TSPAN18: variants seen among roughly 807,000 people sequenced by gnomAD.
The protein encoded by TSPAN18 is tetraspanin 18.
In TSPAN18, 14 loss-of-function variants were observed where a neutral mutation model predicts 27.3. The ratio of observed to expected loss-of-function variants is 0.51; its 90% CI spans 0.34 to 0.80. TSPAN18 has a LOEUF of 0.80. Ranked by LOEUF, TSPAN18 falls within the 30% of genes least tolerant of loss-of-function variation. The pLI, the probability that TSPAN18 is intolerant of heterozygous loss-of-function variation, is 0.01. For missense variants in TSPAN18, 268 were observed against 323.9 expected, an observed-to-expected ratio of 0.83 and a Z score of 1.32; for synonymous variants, 143 against 136.5, an observed-to-expected ratio of 1.05 and a Z score of -0.33.
chr11:44,878,834 G>A (rs1858410756), intron 3 of TSPAN18, among the ~76,000 whole-genome samples: 1 of 152,226 alleles, frequency 6.6e-6, no homozygotes, highest in African/African-American at 2.4e-5. Flanking sequence ...CTCCAAAAAT[G>A]TGGTGGTAAC....
At chr11:44,850,680 C>T (rs1565176621) in intron 2 of TSPAN18, among the ~76,000 whole-genome samples, 2 of 152,126 alleles carry the variant, frequency 1.3e-5, no homozygotes, top group African/African-American at 4.8e-5. Flanking sequence ...GATGAGAAGG[C>T]AGAGGTTCAG....
chr11:44,840,994 A>G (rs1857360974), intron 2 of TSPAN18, among the ~76,000 whole-genome samples: 1 of 152,148 alleles, frequency 6.6e-6, no homozygotes, highest in Non-Finnish European at 1.5e-5. Flanking sequence ...TGGGACCTCA[A>G]TACTTGAGCA....
intron 2 of TSPAN18, among the ~76,000 whole-genome samples, chr11:44,819,077 G>A (rs768308011): frequency 6.6e-6 from 1 of 152,192 alleles, no homozygotes; most frequent in Non-Finnish European, 1.5e-5. Context: ...AGCCACGGAC[G>A]CGCCTGGTGT....
intron 2 of TSPAN18, among the ~76,000 whole-genome samples, chr11:44,836,844 G>A (rs762679991): frequency 1.4e-4 from 21 of 152,192 alleles, no homozygotes; most frequent in Non-Finnish European, 2.5e-4. Flanking sequence ...ATGACAGCAC[G>A]TCTGTTTACA....
intron 3 of TSPAN18, among the ~76,000 whole-genome samples, chr11:44,884,419 G>A (rs891397210): frequency 6.6e-6 from 1 of 152,182 alleles, no homozygotes; most frequent in Non-Finnish European, 1.5e-5. Context: ...GGGTAGAGGG[G>A]CTTGCTGTTT....
At chr11:44,799,194 G>C (rs1400372758) in intron 2 of TSPAN18, among the ~76,000 whole-genome samples, 1 of 152,042 alleles carries the variant, frequency 6.6e-6, no homozygotes. Flanking sequence ...CAGGGGGCCT[G>C]TCCAACATTC....
intron 2 of TSPAN18, among the ~76,000 whole-genome samples, chr11:44,832,140 C>T (rs4755899): frequency 0.18 from 28,040 of 152,144 alleles, 3,445 homozygotes; most frequent in Non-Finnish European, 0.28. Flanking sequence ...ATGACCCAGG[C>T]GTCATTATCC....
intron 2 of TSPAN18, among the ~76,000 whole-genome samples, chr11:44,769,384 A>G (rs532870734): frequency 6.6e-6 from 1 of 152,288 alleles, no homozygotes; most frequent in African/African-American, 2.4e-5. Flanking sequence ...TTTCTGGTTT[A>G]GGTATCAGCA....
At chr11:44,910,021 G>A (rs367596293) in intron 5 of TSPAN18, 122 bp downstream of exon 5, 5 of 1,225,838 alleles carry the variant, frequency 4.1e-6, no homozygotes, top group Admixed American at 2.8e-5. Context: ...GGGGCGGGCT[G>A]TCAAAGCAGA....
Position 44,917,866 on chromosome 11 carries a change from G to C in TSPAN18, c.259-106G>C, listed in dbSNP as rs1859969828. On this transcript the variant is annotated intron_variant, in intron 5 of 9. Coordinates refer to ENST00000520358, the MANE Select transcript of TSPAN18 (RefSeq NM_130783.5). ...GTGGAGTGCCTTAATCTTACAAAAT[G>C]AGTATACTGCGTCACTGGTGTGACA... The C allele has an allele frequency of 8.0e-6, 8 of 1,001,454 alleles. No individual in the cohort carries two copies. The Admixed American group carries it at 1.5e-4, about 19-fold the overall frequency. The allele number at this position is 1,001,454 out of a possible 1,614,324, so 62.0% of individuals were successfully genotyped here.
intron 2 of TSPAN18, among the ~76,000 whole-genome samples, chr11:44,850,224 T>A (rs980886272): frequency 1.1e-4 from 16 of 152,306 alleles, no homozygotes; most frequent in African/African-American, 3.6e-4. Flanking sequence ...CTATTGTTAT[T>A]CCTACATATC....
chr11:44,819,037 T>A (rs1856871541), intron 2 of TSPAN18, among the ~76,000 whole-genome samples: 1 of 152,194 alleles, frequency 6.6e-6, no homozygotes, highest in South Asian at 2.1e-4. Context: ...CCCAGTTTCA[T>A]GGATTGTTTA....
chr11:44,738,503 A>C (rs559314466), intron 1 of TSPAN18, among the ~76,000 whole-genome samples: 1 of 152,350 alleles, frequency 6.6e-6, no homozygotes, highest in East Asian at 1.9e-4. Flanking sequence ...TGAGGATTAC[A>C]TAAATTAATT....
intron 2 of TSPAN18, among the ~76,000 whole-genome samples, chr11:44,857,300 G>T (rs570063243): frequency 3.9e-5 from 6 of 152,346 alleles, no homozygotes; most frequent in Non-Finnish European, 7.3e-5. Flanking sequence ...CATCTCAGCT[G>T]CTCTGTGAGC....
chr11:44,899,586 G>T (rs1011557244), intron 3 of TSPAN18, among the ~76,000 whole-genome samples: 11 of 152,312 alleles, frequency 7.2e-5, no homozygotes, highest in Admixed American at 2.6e-4. Context: ...GGCGGGGCAG[G>T]AGGGAGGAAC....
intron 2 of TSPAN18, among the ~76,000 whole-genome samples, chr11:44,791,874 T>G (rs1856233135): frequency 6.6e-6 from 1 of 152,206 alleles, no homozygotes; most frequent in South Asian, 2.1e-4. Flanking sequence ...GTCACAGCAC[T>G]CACAGCAGAT....
chr11:44,807,223 AAAAAAAAAAAAAAG>A (rs1856614799), intron 2 of TSPAN18, among the ~76,000 whole-genome samples: 8 of 26,784 alleles, frequency 3.0e-4, no homozygotes, highest in Admixed American at 6.1e-4. Context: ...AAAAAAAAAA[AAAAAAAAAAAAAAG>A]AAGGAAAGAG....
At chr11:44,733,318 C>T (rs755009885) in intron 1 of TSPAN18, among the ~76,000 whole-genome samples, 2 of 152,164 alleles carry the variant, frequency 1.3e-5, no homozygotes, top group Non-Finnish European at 2.9e-5. Flanking sequence ...TAATAATCCC[C>T]GATGTACATT....
intron 1 of TSPAN18, among the ~76,000 whole-genome samples, chr11:44,735,020 G>A (rs866202511): frequency 3.3e-5 from 5 of 152,244 alleles, no homozygotes; most frequent in African/African-American, 9.6e-5. Context: ...GGCTGGACAC[G>A]GGGAGTGGAG....
Sources: gnomAD v4.1 joint callset for allele counts (sites outside exome capture counted in the v4.1 genomes callset) on GRCh38, gnomAD v4.1.1 for gene constraint, MANE v1.5 for transcripts, NCBI Gene and HGNC (gene_info 2026-07-23, HGNC 2026-07-21) for gene names.